The following TBC1D16 variants were observed in gnomAD, a reference collection of about 807,000 sequenced individuals.
TBC1D16 encodes the protein CTD-2529O21.1.
A neutral mutation model predicts 74.7 loss-of-function variants in TBC1D16; 58 were observed. The ratio of observed to expected loss-of-function variants is 0.78; its 90% CI spans 0.63 to 0.97. TBC1D16 has a LOEUF of 0.97. Among genes scored for constraint, TBC1D16 ranks in the 50% least tolerant of loss-of-function variants. TBC1D16 has a pLI of 0.00. For missense variants in TBC1D16, 1,014 were observed against 1,079.5 expected (o/e 0.94, Z 0.85); for synonymous variants, 493 against 474.7 (o/e 1.04, Z -0.50).
intron 1 of TBC1D16, among the ~76,000 whole-genome samples, chr17:80,023,656 G>GC (rs1303746751): frequency 0.015 from 1,859 of 126,220 alleles, 184 homozygotes; most frequent in African/African-American, 0.045. Context: ...ACTGCTGCCG[G>GC]GCCCCCCCCC....
intron 10 of TBC1D16, among the ~76,000 whole-genome samples, chr17:79,942,978 C>T (rs1337077677): frequency 1.3e-5 from 2 of 152,262 alleles, no homozygotes; most frequent in Non-Finnish European, 2.9e-5. Flanking sequence ...CCGGCCTGGC[C>T]GCCTCAAGAC....
chr17:79,963,279 C>T (rs1029409036), intron 3 of TBC1D16, among the ~76,000 whole-genome samples: 8 of 151,314 alleles, frequency 5.3e-5, no homozygotes, highest in Non-Finnish European at 1.0e-4. Context: ...CTCCAAGCAA[C>T]ATCAACTGTC....
rs1387903997 is a variant in TBC1D16 at position 79,939,713 on chromosome 17, G to A, written c.*1146C>T. 6.6e-6 allele frequency: 1 copy of A among 152,140 alleles called. No individual in the cohort carries two copies. The highest frequency in any genetic ancestry group is 1.5e-5 in the Non-Finnish European group (1 of 68,026). The allele number at this position is 152,140 out of a possible 1,614,324, so 9.4% of individuals were successfully genotyped here. On this transcript the variant is annotated 3_prime_UTR_variant, in exon 12 of 12. Coordinates refer to ENST00000310924, the MANE Select transcript of TBC1D16 (RefSeq NM_019020.4). ...ACTGATACACAATCTTTTGGAAGAGGGAGAGTCTGTTGGGAAGACCTCATT... is the reference window on the plus strand; with the variant it reads ...ACTGATACACAATCTTTTGGAAGAGAGAGAGTCTGTTGGGAAGACCTCATT...
At chr17:79,952,879 G>A in intron 3 of TBC1D16, 61 bp from the exon 4 acceptor site, 1 of 1,545,700 alleles carries the variant, frequency 6.5e-7, no homozygotes, top group Non-Finnish European at 8.7e-7. Context: ...ACCCAGAGGG[G>A]GACGGGGGTC....
At chr17:80,034,367 T>G (rs1389655365) in intron 1 of TBC1D16, among the ~76,000 whole-genome samples, 7 of 145,000 alleles carry the variant, frequency 4.8e-5, no homozygotes, top group African/African-American at 1.5e-4. Context: ...ACCGGGCTAA[T>G]TTTTGTATTT....
At chr17:79,995,552 G>GGC (rs879445363) in intron 3 of TBC1D16, among the ~76,000 whole-genome samples, 50,855 of 139,962 alleles carry the variant, frequency 0.36, 10,352 homozygotes, top group Admixed American at 0.5. Context: ...TTGGGAGGCT[G>GGC]AGGTGGGCAG....
At chr17:79,974,833 T>C (rs1369964055) in intron 3 of TBC1D16, among the ~76,000 whole-genome samples, 1 of 152,192 alleles carries the variant, frequency 6.6e-6, no homozygotes, top group African/African-American at 2.4e-5. Flanking sequence ...CGCTCAGGTT[T>C]ATCTTATGAT....
At position 80,001,578 on chromosome 17, in the gene TBC1D16, G is replaced by A. The variant is rs948937251; in HGVS notation, c.779+8582C>T. Among the ~76,000 whole-genome samples, 2 of 151,486 alleles carry A rather than the reference G, an allele frequency of 1.3e-5. No homozygotes were observed. The highest frequency in any genetic ancestry group is 2.9e-5 in the Non-Finnish European group (2 of 67,874). ...CGGGCGCCCTGGTTGGCCCACGACC[G>A]GGATCAGGGGTTTGATCCTGAAATT... On this transcript the variant is annotated intron_variant, in intron 3 of 11. Coordinates refer to ENST00000310924, the MANE Select transcript of TBC1D16 (RefSeq NM_019020.4). The surrounding 1 kb of genome is among the most constrained non-coding windows in gnomAD (Gnocchi z 5.8).
rs1007083594 is a variant in TBC1D16 at position 79,987,470 on chromosome 17, C to T, written c.779+22690G>A. Among the ~76,000 whole-genome samples the T allele has an allele frequency of 2.6e-5, 4 of 152,102 alleles. No homozygotes were observed. The highest frequency in any genetic ancestry group is 2.1e-4 in the South Asian group (1 of 4,824). On this transcript the variant is annotated intron_variant, in intron 3 of 11. Transcript: ENST00000310924. This position sits in a 1 kb window ranked among gnomAD's most constrained non-coding sequence, Gnocchi z 5.2. ...CTATGTTGTCCAGGCTGATCTTGAA[C>T]TCCTGGGCTCAAGCGCTCCTCCTGC...
At position 79,942,080 on chromosome 17, in the gene TBC1D16, C is replaced by T. The variant is rs1278973760; in HGVS notation, c.2035G>A (p.Gly679Arg). 6.8e-6 allele frequency: 11 copies of T among 1,612,074 alleles called. No individual in the cohort carries two copies. The highest frequency in any genetic ancestry group is 2.7e-5 in the African/African-American group (2 of 74,886). ...HFGNLAMHMN[G>R]ELVLRKARSL... ...CTCACCTTCCGGAGAACGAGCTCCCCGTTCATGTGCATGGCCAGGTTTCCG... is the reference window on the plus strand; with the variant it reads ...CTCACCTTCCGGAGAACGAGCTCCCTGTTCATGTGCATGGCCAGGTTTCCG... The change falls in exon 11 of 12, where the codon GGG (glycine) becomes AGG (arginine). Residue 679 changes from glycine to arginine, a missense_variant. Physicochemically the swap from Gly to Arg is moderately radical, Grantham distance 125. Transcript: ENST00000310924.
intron 1 of TBC1D16, among the ~76,000 whole-genome samples, chr17:80,027,263 G>T (rs1224012416): frequency 1.3e-5 from 2 of 152,192 alleles, no homozygotes; most frequent in South Asian, 4.1e-4. Flanking sequence ...AGGAGTTTGA[G>T]ACCAGCTTGG....
At position 79,986,523 on chromosome 17, in the gene TBC1D16, ACCTT is replaced by A. The variant is rs2034841267; in HGVS notation, c.779+23633_779+23636del. Among the ~76,000 whole-genome samples the A allele has an allele frequency of 6.6e-6, 1 of 152,112 alleles. No homozygotes were observed. The highest frequency in any genetic ancestry group is 2.1e-4 in the South Asian group (1 of 4,832). On this transcript the variant is annotated intron_variant, in intron 3 of 11. Transcript: ENST00000310924. The surrounding 1 kb of genome is among the most constrained non-coding windows in gnomAD (Gnocchi z 6.0). ...CCACGTGAGGACTCCCTACCCCAGG[ACCTT>A]CCACCAGAAAAGGCCAAAGAGAGAC...
rs923939909 is a variant in TBC1D16 at position 79,941,475 on chromosome 17, C to T, written c.2056-368G>A. Among the ~76,000 whole-genome samples, 3 of 152,156 alleles carry T rather than the reference C, an allele frequency of 2.0e-5. No homozygotes were observed. Among genetic ancestry groups the T allele is most frequent in the African/African-American group, 4.8e-5 (2 of 41,418 alleles). ...TTGGCAGCACCCCTCTCTTCTTCCC[C>T]CGCACCTTGCTCCACCCCCCACCCC... On this transcript the variant is annotated intron_variant, in intron 11 of 11. Coordinates refer to ENST00000310924, the MANE Select transcript of TBC1D16 (RefSeq NM_019020.4). This position sits in a 1 kb window ranked among gnomAD's most constrained non-coding sequence, Gnocchi z 4.3.
In TBC1D16 at chr17:79,942,318, G is replaced by C. The variant is rs558208510; in HGVS notation, c.1909-112C>G. On this transcript the variant is annotated intron_variant, in intron 10 of 11. Coordinates refer to ENST00000310924, the MANE Select transcript of TBC1D16 (RefSeq NM_019020.4). ...TGAGGGCTCCAGGGCGAGGGGTCTGGGCTCACAGCCCAGCTCGGGGGCCGT... is the reference window on the plus strand; with the variant it reads ...TGAGGGCTCCAGGGCGAGGGGTCTGCGCTCACAGCCCAGCTCGGGGGCCGT... The C allele has an allele frequency of 3.0e-5, 37 of 1,221,796 alleles. No homozygotes were observed. The East Asian group carries it at 5.9e-4, about 20-fold the overall frequency. The allele number at this position is 1,221,796 out of a possible 1,614,324, so 75.7% of individuals were successfully genotyped here.
At position 79,956,313 on chromosome 17, in the gene TBC1D16, G is replaced by C. The variant is rs1410445262; in HGVS notation, c.780-3495C>G. 6.6e-6 allele frequency among the ~76,000 whole-genome samples: 1 copy of C among 152,224 alleles called. No homozygotes were observed. Among genetic ancestry groups the C allele is most frequent in the Non-Finnish European group, 1.5e-5 (1 of 68,040 alleles). ...CTATCCCCCTGGCTGAAGTGCGGTG[G>C]TGCAAACACAACTCACCGCAGCCTC... is the stretch of plus-strand genomic sequence containing the variant. On this transcript the variant is annotated intron_variant, in intron 3 of 11. Transcript: ENST00000310924. The surrounding 1 kb of genome is among the most constrained non-coding windows in gnomAD (Gnocchi z 4.0).
chr17:79,958,914 G>A (rs894955534), intron 3 of TBC1D16, among the ~76,000 whole-genome samples: 3 of 152,156 alleles, frequency 2.0e-5, no homozygotes, highest in Admixed American at 6.5e-5. Context: ...GGCAAGAAAA[G>A]GAAATAAAAG....
intron 3 of TBC1D16, among the ~76,000 whole-genome samples, chr17:79,996,111 C>T (rs948887231): frequency 1.3e-5 from 2 of 152,112 alleles, no homozygotes; most frequent in African/African-American, 4.8e-5. Flanking sequence ...TGCAGTGAAT[C>T]GTTTGTATAC....
Position 79,971,820 on chromosome 17 carries a change from C to T in TBC1D16, c.780-19002G>A, listed in dbSNP as rs1470626093. 2.6e-5 allele frequency among the ~76,000 whole-genome samples: 4 copies of T among 151,862 alleles called. No individual in the cohort carries two copies. Among genetic ancestry groups the T allele is most frequent in the African/African-American group, 7.3e-5 (3 of 41,306 alleles). The stretch of plus-strand genomic sequence containing the variant: ...GGAGGTGTCAGACAGGAGCATCCCA[C>T]GGGGTAGGGATGGGGGCTCTGGAAG... On this transcript the variant is annotated intron_variant, in intron 3 of 11. Transcript: ENST00000310924. This position sits in a 1 kb window ranked among gnomAD's most constrained non-coding sequence, Gnocchi z 4.6.
At position 79,983,785 on chromosome 17, in the gene TBC1D16, C is replaced by T. The variant is rs1037783845; in HGVS notation, c.779+26375G>A. ...TTCAGACACAGGGGGCGCTGGGTCA[C>T]GGGGTTCATTTATGATTGTGTTTCA... On this transcript the variant is annotated intron_variant, in intron 3 of 11. Coordinates refer to ENST00000310924, the MANE Select transcript of TBC1D16 (RefSeq NM_019020.4). This position sits in a 1 kb window ranked among gnomAD's most constrained non-coding sequence, Gnocchi z 5.6. 5.3e-5 allele frequency among the ~76,000 whole-genome samples: 8 copies of T among 152,080 alleles called. No homozygotes were observed. Among genetic ancestry groups the T allele is most frequent in the African/African-American group, 9.7e-5 (4 of 41,386 alleles).
Sources: gnomAD v4.1 joint callset for allele counts (sites outside exome capture counted in the v4.1 genomes callset) on GRCh38, gnomAD v4.1.1 for gene constraint, Gnocchi (gnomAD v3.1) non-coding constraint, MANE v1.5 for transcripts, NCBI Gene and HGNC (gene_info 2026-07-23, HGNC 2026-07-21) for gene names.